The following DENND1A variants were observed in gnomAD, a reference collection of about 807,000 sequenced individuals.
The protein encoded by DENND1A is DENN domain-containing protein 1A.
In DENND1A, 51 loss-of-function variants were observed where a neutral mutation model predicts 113.7. The ratio of observed to expected loss-of-function variants is 0.45; its 90% CI spans 0.36 to 0.57. The LOEUF is 0.57. DENND1A is among the 20% of genes least tolerant of loss of function. The pLI is 0.00. For missense variants in DENND1A, 1,258 were observed against 1,395.9 expected, an observed-to-expected ratio of 0.90 and a Z score of 1.57; for synonymous variants, 565 against 570.8, an observed-to-expected ratio of 0.99 and a Z score of 0.14.
intron 13 of DENND1A, among the ~76,000 whole-genome samples, chr9:123,501,096 C>T (rs978259091): frequency 1.3e-5 from 2 of 152,156 alleles, no homozygotes; most frequent in Non-Finnish European, 2.9e-5. Flanking sequence ...AATAATAACT[C>T]CCCATTTCCC....
chr9:123,416,545 C>A (rs546619446), intron 19 of DENND1A, among the ~76,000 whole-genome samples: 1 of 152,204 alleles, frequency 6.6e-6, no homozygotes. Context: ...GTCCCCTGGC[C>A]GGGTTGAAAT....
At chr9:123,430,829 A>G (rs1293799204) in intron 19 of DENND1A, among the ~76,000 whole-genome samples, 1 of 152,118 alleles carries the variant, frequency 6.6e-6, no homozygotes, top group Non-Finnish European at 1.5e-5. Context: ...CTGGAACTTA[A>G]AGTAAATATT....
chr9:123,646,378 A>G (rs1039866693), intron 9 of DENND1A, among the ~76,000 whole-genome samples: 2 of 152,146 alleles, frequency 1.3e-5, no homozygotes, highest in East Asian at 1.9e-4. Flanking sequence ...AAGGGAGACT[A>G]GAAATGGGAT....
intron 19 of DENND1A, among the ~76,000 whole-genome samples, chr9:123,432,702 A>T (rs1288395122): frequency 6.6e-6 from 1 of 152,262 alleles, no homozygotes; most frequent in African/African-American, 2.4e-5. Context: ...TGGGCGCGTG[A>T]CTGGGATGGG....
chr9:123,818,549 C>T (rs1837929262), intron 2 of DENND1A, among the ~76,000 whole-genome samples: 1 of 147,894 alleles, frequency 6.8e-6, no homozygotes, highest in East Asian at 2.2e-4. Context: ...CACACACACA[C>T]ACACACACAC....
chr9:123,888,406 TAC>T (rs1402125416), intron 1 of DENND1A, among the ~76,000 whole-genome samples: 4 of 152,204 alleles, frequency 2.6e-5, no homozygotes, highest in African/African-American at 7.2e-5. Context: ...ATGGTATATT[TAC>T]ACAGTTTCAA....
intron 2 of DENND1A, among the ~76,000 whole-genome samples, chr9:123,796,772 C>CACACAT (rs1554760113): frequency 1.6e-4 from 25 of 151,746 alleles, no homozygotes; most frequent in African/African-American, 4.6e-4. Flanking sequence ...CACACACACA[C>CACACAT]ACACACACAC....
At chr9:123,909,648 A>G (rs1221078818) in intron 1 of DENND1A, among the ~76,000 whole-genome samples, 1 of 152,052 alleles carries the variant, frequency 6.6e-6, no homozygotes, top group Non-Finnish European at 1.5e-5. Context: ...TAAGACCACT[A>G]TATCTGTACT....
chr9:123,902,174 T>TACAC (rs9299289), intron 1 of DENND1A, among the ~76,000 whole-genome samples: 1,736 of 132,108 alleles, frequency 0.013, 23 homozygotes, highest in African/African-American at 0.034. Context: ...CACACACACA[T>TACAC]ACACACACAC....
intron 3 of DENND1A, among the ~76,000 whole-genome samples, chr9:123,773,268 A>C (rs1307969287): frequency 1.3e-5 from 2 of 152,208 alleles, no homozygotes; most frequent in Admixed American, 1.3e-4. Context: ...ACCAAGCCTC[A>C]GAGTATGAAC....
At chr9:123,888,541 G>A (rs975243787) in intron 1 of DENND1A, among the ~76,000 whole-genome samples, 2 of 152,162 alleles carry the variant, frequency 1.3e-5, no homozygotes. Flanking sequence ...CTGCTGGACC[G>A]CAAAGAGCAG....
chr9:123,802,958 T>C (rs150991028), intron 2 of DENND1A, among the ~76,000 whole-genome samples: 2,326 of 152,316 alleles, frequency 0.015, 28 homozygotes, highest in Admixed American at 0.026. Context: ...CTCCTCAGCC[T>C]CCCAAAGTGC....
chr9:123,797,965 T>C (rs927071588), intron 2 of DENND1A, among the ~76,000 whole-genome samples: 1 of 152,206 alleles, frequency 6.6e-6, no homozygotes, highest in African/African-American at 2.4e-5. Context: ...TTTGAAGGAC[T>C]ATAAATGAAC....
At chr9:123,475,601 G>T (rs2049845905) in intron 13 of DENND1A, among the ~76,000 whole-genome samples, 1 of 152,256 alleles carries the variant, frequency 6.6e-6, no homozygotes, top group East Asian at 1.9e-4. Flanking sequence ...CTGGCCTGCT[G>T]CCTGAGTGGT....
intron 12 of DENND1A, among the ~76,000 whole-genome samples, chr9:123,563,006 CCT>C (rs1435181424): frequency 1.3e-5 from 2 of 152,122 alleles, no homozygotes. Flanking sequence ...AGTGGCTGAG[CCT>C]CTCTGCTTGG....
chr9:123,589,255 T>C (rs985497207), intron 11 of DENND1A, among the ~76,000 whole-genome samples: 1 of 152,108 alleles, frequency 6.6e-6, no homozygotes, highest in African/African-American at 2.4e-5. Context: ...GTATATAATA[T>C]CGTCATGAAA....
chr9:123,799,221 G>A (rs918588896), intron 2 of DENND1A, among the ~76,000 whole-genome samples: 8 of 152,070 alleles, frequency 5.3e-5, no homozygotes, highest in African/African-American at 1.4e-4. Flanking sequence ...ACTGTGACAG[G>A]CATTTTAGAG....
At chr9:123,659,826 A>G (rs1354454203) in intron 8 of DENND1A, among the ~76,000 whole-genome samples, 2 of 152,212 alleles carry the variant, frequency 1.3e-5, no homozygotes, top group African/African-American at 2.4e-5. Flanking sequence ...TTTGCAATGC[A>G]GCAATTTAGT....
At chr9:123,450,181 A>G (rs561757712) in intron 18 of DENND1A, among the ~76,000 whole-genome samples, 32 of 152,144 alleles carry the variant, frequency 2.1e-4, no homozygotes, top group African/African-American at 7.5e-4. Flanking sequence ...AACAGCGCCC[A>G]CTGGGTTCTG....
Sources: gnomAD v4.1 joint callset for allele counts (sites outside exome capture counted in the v4.1 genomes callset) on GRCh38, gnomAD v4.1.1 for gene constraint, MANE v1.5 for transcripts, NCBI Gene and HGNC (gene_info 2026-07-23, HGNC 2026-07-21) for gene names.